Variants in WNK1 observed in about 807,000 individuals in gnomAD.
WNK1 encodes WNK lysine deficient protein kinase 1.
Under a neutral mutation model 222.8 loss-of-function variants are expected in WNK1, and 38 were observed. The observed-to-expected ratio is 0.17, with a 90% CI of 0.13 to 0.22. The LOEUF (loss-of-function observed/expected upper bound fraction) is 0.22. Among genes scored for constraint, WNK1 ranks in the 10% least tolerant of loss-of-function variants. The probability of loss-of-function intolerance (pLI) is 1.00; values close to 1 mark genes in which losing one functional copy is unlikely to be tolerated. For missense variants in WNK1, 2,348 were observed against 2,918.4 expected, an observed-to-expected ratio of 0.80 and a Z score of 4.50; for synonymous variants, 1,090 against 1,092.9, an observed-to-expected ratio of 1.00 and a Z score of 0.05.
intron 8 of WNK1, chr12:865,117 G>T (rs150330647): frequency 6.6e-7 from 1 of 1,516,326 alleles, no homozygotes; most frequent in African/African-American, 1.4e-5. Context: ...GAGCCTCGTC[G>T]TGGCCGTAGC....
chr12:799,728 A>G (rs1006529266), intron 1 of WNK1, among the ~76,000 whole-genome samples: 1 of 152,154 alleles, frequency 6.6e-6, no homozygotes, highest in Non-Finnish European at 1.5e-5. Context: ...GCTGTTGCCC[A>G]GGCTGGAGTG....
intron 26 of WNK1, 138 bp from the exon 27 acceptor site, chr12:907,709 T>A (rs1955824704): frequency 2.0e-6 from 2 of 1,013,444 alleles, no homozygotes; most frequent in African/African-American, 4.1e-5. Flanking sequence ...AACCTTGGAA[T>A]CTTCCCTCTT....
Position 753,330 on chromosome 12 carries a change from C to T in WNK1, c.-236C>T, listed in dbSNP as rs1236347178. ...CGTGGCTCAGCTCCCGAATCGCCCG[C>T]CTTCGAGCCCTCCTCGTGAGCCGCA... On this transcript the variant is annotated 5_prime_UTR_variant, in exon 1 of 28. Transcript: ENST00000315939. This position sits in a 1 kb window ranked among gnomAD's most constrained non-coding sequence, Gnocchi z 5.2. 3 of 580,354 alleles carry T rather than the reference C, an allele frequency of 5.2e-6. No homozygotes were observed. The highest frequency in any genetic ancestry group is 3.9e-5 in the African/African-American group (2 of 50,922). The allele number at this position is 580,354 out of a possible 1,614,324, so 36.0% of individuals were successfully genotyped here.
chr12:837,572 T>TAAAAAAAAAA (rs530005542), intron 4 of WNK1, among the ~76,000 whole-genome samples: 1 of 123,654 alleles, frequency 8.1e-6, no homozygotes, highest in Non-Finnish European at 1.7e-5. Flanking sequence ...AGACCCTGTC[T>TAAAAAAAAAA]AAAAAAAAAA....
Position 859,447 on chromosome 12 carries a change from G to C in WNK1, c.1603G>C (p.Asp535His), listed in dbSNP as rs763675447. The C allele has an allele frequency of 1.9e-6, 3 of 1,611,348 alleles. No individual in the cohort carries two copies. The highest frequency in any genetic ancestry group is 1.3e-5 in the African/African-American group (1 of 74,796). ...TGATTTAGAGAGAGATGTCCCAGAA[G>C]ATGTTGCACAAGAAATGGTAAATTG... Reference protein sequence around the residue: ...SFDLERDVPEDVAQEMVESGY... With the variant: ...SFDLERDVPEHVAQEMVESGY... Residue 535 changes from aspartate to histidine, a missense_variant, in exon 6 of 28, where the codon GAT (aspartate) becomes CAT (histidine). Asp to His is a moderately conservative substitution (Grantham distance 81, BLOSUM62 -1). Coordinates refer to ENST00000315939, the MANE Select transcript of WNK1 (RefSeq NM_018979.4).
Position 879,747 on chromosome 12 carries a change from C to T in WNK1, c.2548C>T (p.His850Tyr). 2.5e-6 allele frequency: 4 copies of T among 1,614,030 alleles called. No individual in the cohort carries two copies. Among genetic ancestry groups the T allele is most frequent in the Middle Eastern group, 1.6e-4 (1 of 6,062 alleles). Residue 850 changes from histidine (H) to tyrosine (Y), a missense_variant, in exon 11 of 28, where the codon CAT (histidine) becomes TAT (tyrosine). Physicochemically the swap from His to Tyr is moderately conservative, Grantham distance 83. Around this residue, in one of 13 missense-constraint regions of WNK1, gnomAD observed 547 missense variants for 558.3 expected, o/e 0.98. Coordinates refer to ENST00000315939, the MANE Select transcript of WNK1 (RefSeq NM_018979.4). ...CTCTCAGATTCCCATATCAACTCCT[C>T]ATGTGTCTACGGCTCAGACAGGTTT... ...PVSQIPISTP[H>Y]VSTAQTGFSS...
At chr12:868,483 A>G in intron 8 of WNK1, 1 of 1,613,910 alleles carries the variant, frequency 6.2e-7, no homozygotes. Context: ...TAGATTCTGG[A>G]TTGGGTCCGG....
chr12:793,996 A>G (rs999641732), intron 1 of WNK1, among the ~76,000 whole-genome samples: 6 of 152,188 alleles, frequency 3.9e-5, no homozygotes, highest in African/African-American at 1.4e-4. Flanking sequence ...GACATTTTAT[A>G]TAAGTGGAAC....
chr12:795,730 C>G (rs1021186258), intron 1 of WNK1, among the ~76,000 whole-genome samples: 1 of 152,146 alleles, frequency 6.6e-6, no homozygotes, highest in Non-Finnish European at 1.5e-5. Flanking sequence ...TCTAGATCAT[C>G]TACTCTCTTG....
At chr12:880,348 A>T (rs535442664) in intron 11 of WNK1, among the ~76,000 whole-genome samples, 1 of 152,354 alleles carries the variant, frequency 6.6e-6, no homozygotes, top group South Asian at 2.1e-4. Flanking sequence ...CCAACATGGT[A>T]TCAACAAAAA....
intron 6 of WNK1, 127 bp downstream of exon 6, chr12:859,591 C>A: frequency 1.6e-6 from 1 of 623,090 alleles, no homozygotes; most frequent in South Asian, 2.1e-5. Flanking sequence ...TGTGATGGCC[C>A]TAAAAGTTAT....
chr12:833,422 A>G (rs1166997064), intron 4 of WNK1, among the ~76,000 whole-genome samples: 2 of 152,192 alleles, frequency 1.3e-5, no homozygotes, highest in African/African-American at 2.4e-5. Flanking sequence ...CAAGCACTCT[A>G]TTTTAGTTAA....
In WNK1 at chr12:896,126, C is replaced by T. The variant is rs753048499; in HGVS notation, c.5639C>T (p.Ala1880Val). Residue 1880 changes from alanine to valine, a missense_variant, in exon 24 of 28, where the codon GCA becomes GTA. By Grantham distance (64) the Ala-to-Val change is moderately conservative. Coordinates refer to ENST00000315939, the MANE Select transcript of WNK1 (RefSeq NM_018979.4). ...QKEGKNKSED[A>V]KSVHFESSTS... Reference sequence around the variant, plus strand: ...GAGGGTAAAAATAAGTCAGAAGATGCAAAGTCTGTTCATTTTGAATCCAGC... The same window carrying T: ...GAGGGTAAAAATAAGTCAGAAGATGTAAAGTCTGTTCATTTTGAATCCAGC... 6 of 1,614,200 alleles carry T rather than the reference C, an allele frequency of 3.7e-6. No homozygotes were observed. In the East Asian group the frequency reaches 1.3e-4, roughly 36 times the overall value.
intron 20 of WNK1, among the ~76,000 whole-genome samples, 160 bp downstream of exon 20, chr12:887,464 G>GT (rs1953777375): frequency 6.6e-6 from 1 of 152,154 alleles, no homozygotes; most frequent in South Asian, 2.1e-4. Flanking sequence ...TCCTACTTAA[G>GT]TAAGAAGCTT....
chr12:869,121 C>CACA, intron 8 of WNK1: 1 of 1,613,888 alleles, frequency 6.2e-7, no homozygotes, highest in South Asian at 1.1e-5. Context: ...GGAAAACTTC[C>CACA]ACAATTATTT....
At chr12:824,296 G>C (rs1308537329) in intron 2 of WNK1, among the ~76,000 whole-genome samples, 3 of 147,824 alleles carry the variant, frequency 2.0e-5, no homozygotes, top group Non-Finnish European at 3.0e-5. Context: ...GGTTGGTTAT[G>C]GTGATTTTAA....
At chr12:857,298 G>A (rs1298577868) in intron 5 of WNK1, 49 bp downstream of exon 5, 1 of 1,516,008 alleles carries the variant, frequency 6.6e-7, no homozygotes, top group Non-Finnish European at 9.2e-7. Context: ...AACCTAAAAA[G>A]TAATGTGCTT....
At chr12:802,307 T>C (rs1945958881) in intron 1 of WNK1, among the ~76,000 whole-genome samples, 1 of 152,240 alleles carries the variant, frequency 6.6e-6, no homozygotes, top group African/African-American at 2.4e-5. Flanking sequence ...AGCTGGTTAT[T>C]AGTTTTGGCA....
At chr12:867,099 C>A (rs556600938) in intron 8 of WNK1, among the ~76,000 whole-genome samples, 5 of 151,736 alleles carry the variant, frequency 3.3e-5, no homozygotes, top group Non-Finnish European at 2.9e-5. Flanking sequence ...CCAGCCTGGG[C>A]GAAAGAGGAA....
Sources: gnomAD v4.1 joint callset for allele counts (sites outside exome capture counted in the v4.1 genomes callset) on GRCh38, gnomAD v4.1.1 for gene constraint, gnomAD v4.1.1 regional missense constraint, Gnocchi (gnomAD v3.1) non-coding constraint, MANE v1.5 for transcripts, NCBI Gene and HGNC (gene_info 2026-07-23, HGNC 2026-07-21) for gene names.